Variants in PCDH7 observed in about 807,000 individuals in gnomAD.
The protein encoded by PCDH7 is protocadherin-7.
A neutral mutation model predicts 58.9 loss-of-function variants in PCDH7; 17 were observed. The observed-to-expected ratio is 0.29, with a 90% CI of 0.20 to 0.43. The LOEUF is 0.43. Ranked by LOEUF, PCDH7 falls within the 20% of genes least tolerant of loss-of-function variation. The probability of loss-of-function intolerance (pLI) is 1.00; values close to 1 mark genes in which losing one functional copy is unlikely to be tolerated. For missense variants in PCDH7, 1,274 were observed against 1,441.0 expected, an observed-to-expected ratio of 0.88 and a Z score of 1.88; for synonymous variants, 664 against 616.4, an observed-to-expected ratio of 1.08 and a Z score of -1.14.
intron 1 of PCDH7, among the ~76,000 whole-genome samples, chr4:30,800,128 G>T (rs1577856245): frequency 6.6e-6 from 1 of 152,010 alleles, no homozygotes; most frequent in East Asian, 1.9e-4. Context: ...AAAGTGCTGG[G>T]ATTACAGGCG....
At chr4:30,950,925 A>C (rs1260035371) in intron 3 of PCDH7, among the ~76,000 whole-genome samples, 1 of 152,174 alleles carries the variant, frequency 6.6e-6, no homozygotes, top group African/African-American at 2.4e-5. Context: ...GTCATAACCT[A>C]TAAAACATGA....
chr4:31,086,208 T>A (rs1712413175), intron 3 of PCDH7, among the ~76,000 whole-genome samples: 1 of 152,162 alleles, frequency 6.6e-6, no homozygotes, highest in Admixed American at 6.5e-5. Context: ...CACCACTTTC[T>A]CCTGTTTTTT....
At chr4:30,969,617 C>G (rs1489213345) in intron 3 of PCDH7, among the ~76,000 whole-genome samples, 1 of 151,786 alleles carries the variant, frequency 6.6e-6, no homozygotes, top group Non-Finnish European at 1.5e-5. Context: ...TCTAAGAATG[C>G]TTGGAAGATA....
intron 1 of PCDH7, among the ~76,000 whole-genome samples, chr4:30,739,083 G>A (rs1716701791): frequency 1.4e-5 from 2 of 141,250 alleles, no homozygotes; most frequent in African/African-American, 5.2e-5. Context: ...AATTTCCCAT[G>A]ATAAAATTAA....
At chr4:31,057,510 A>G (rs1431658853) in intron 3 of PCDH7, among the ~76,000 whole-genome samples, 2 of 152,182 alleles carry the variant, frequency 1.3e-5, no homozygotes, top group Non-Finnish European at 2.9e-5. Flanking sequence ...GTGATAATAC[A>G]CCTGATGATT....
At chr4:31,012,494 A>T (rs1256425797) in intron 3 of PCDH7, among the ~76,000 whole-genome samples, 1 of 150,400 alleles carries the variant, frequency 6.6e-6, no homozygotes, top group Non-Finnish European at 1.5e-5. Context: ...TTTACTAGGC[A>T]TTGGGTACAA....
At chr4:30,967,470 T>C (rs1749098376) in intron 3 of PCDH7, among the ~76,000 whole-genome samples, 1 of 152,168 alleles carries the variant, frequency 6.6e-6, no homozygotes, top group African/African-American at 2.4e-5. Flanking sequence ...TTATTTAAAA[T>C]TATAGTTTAT....
intron 2 of PCDH7, among the ~76,000 whole-genome samples, chr4:30,925,452 T>C (rs1386121591): frequency 6.6e-6 from 1 of 152,182 alleles, no homozygotes; most frequent in Non-Finnish European, 1.5e-5. Flanking sequence ...TCTTCCATCT[T>C]TCCAAAGATC....
intron 2 of PCDH7, among the ~76,000 whole-genome samples, chr4:30,931,857 C>A (rs10939318): frequency 0.7 from 103,461 of 148,030 alleles, 36,115 homozygotes; most frequent in East Asian, 0.79. Context: ...ATTTTCAGAA[C>A]GTACCATGAG....
At chr4:31,039,925 C>G (rs763251393) in intron 3 of PCDH7, among the ~76,000 whole-genome samples, 3 of 152,098 alleles carry the variant, frequency 2.0e-5, no homozygotes, top group Non-Finnish European at 2.9e-5. Flanking sequence ...AGATTGTTCT[C>G]CCCTCATGTA....
chr4:30,887,438 A>C (rs1737970717), intron 1 of PCDH7, among the ~76,000 whole-genome samples: 1 of 152,138 alleles, frequency 6.6e-6, no homozygotes, highest in African/African-American at 2.4e-5. Context: ...CATAGTAGGC[A>C]CTCAATAAAT....
At chr4:30,952,325 G>A (rs1747439507) in intron 3 of PCDH7, among the ~76,000 whole-genome samples, 1 of 151,750 alleles carries the variant, frequency 6.6e-6, no homozygotes, top group Admixed American at 6.6e-5. Flanking sequence ...AAAGATTTGA[G>A]GAAAGGAAAT....
chr4:30,745,319 C>G (rs1190362379), intron 1 of PCDH7, among the ~76,000 whole-genome samples: 2 of 148,512 alleles, frequency 1.3e-5, no homozygotes, highest in Admixed American at 1.4e-4. Flanking sequence ...ATTATAATGA[C>G]TTTTTTTCTT....
intron 3 of PCDH7, among the ~76,000 whole-genome samples, chr4:30,976,057 A>G (rs1322573116): frequency 1.3e-5 from 2 of 152,232 alleles, no homozygotes; most frequent in African/African-American, 2.4e-5. Flanking sequence ...AATGCAAATC[A>G]AAACATCAGT....
chr4:30,742,954 T>C (rs1020508157), intron 1 of PCDH7, among the ~76,000 whole-genome samples: 1 of 152,230 alleles, frequency 6.6e-6, no homozygotes, highest in Non-Finnish European at 1.5e-5. Flanking sequence ...TGATCTCTGA[T>C]GTTGAGCAAA....
chr4:31,077,396 C>T lies in PCDH7; in HGVS notation c.*8-65077C>T, dbSNP rs1456044788. Among the ~76,000 whole-genome samples the T allele has an allele frequency of 2.2e-4, 27 of 125,522 alleles. No individual in the cohort carries two copies. In the East Asian group the frequency reaches 2.6e-3, roughly 12 times the overall value. 82.3% of individuals were successfully genotyped at this position (125,522 alleles called of 152,430 possible). Reference sequence around the variant, plus strand: ...TGCACTCCAGCCTGGGCAACAAGAGCGAAACTCCATCTCAAAAAAAAAAAA... The same window carrying T: ...TGCACTCCAGCCTGGGCAACAAGAGTGAAACTCCATCTCAAAAAAAAAAAA... On this transcript the variant is annotated intron_variant, in intron 3 of 3. Coordinates refer to the PCDH7 transcript ENST00000509759.
intron 3 of PCDH7, among the ~76,000 whole-genome samples, chr4:31,105,746 G>A (rs1413247286): frequency 2.6e-5 from 4 of 152,086 alleles, no homozygotes; most frequent in African/African-American, 4.8e-5. Context: ...AGTGGCTCAC[G>A]CCTGTAATCC....
chr4:30,803,196 T>C (rs1336940730), intron 1 of PCDH7, among the ~76,000 whole-genome samples: 1 of 152,102 alleles, frequency 6.6e-6, no homozygotes, highest in Non-Finnish European at 1.5e-5. Flanking sequence ...GAGGAAAATT[T>C]CACAATTTTA....
At chr4:31,113,947 C>T (rs1171379085) in intron 3 of PCDH7, among the ~76,000 whole-genome samples, 4 of 151,176 alleles carry the variant, frequency 2.6e-5, no homozygotes, top group South Asian at 2.1e-4. Flanking sequence ...ATTCTCTTGC[C>T]GCAGCCTCCC....
Sources: gnomAD v4.1 joint callset for allele counts (sites outside exome capture counted in the v4.1 genomes callset) on GRCh38, gnomAD v4.1.1 for gene constraint, MANE v1.5 for transcripts, NCBI Gene and HGNC (gene_info 2026-07-23, HGNC 2026-07-21) for gene names.